Variants in INO80D observed in about 807,000 individuals in gnomAD.
INO80D encodes the protein INO80 complex subunit D.
A neutral mutation model predicts 87.6 loss-of-function variants in INO80D; 21 were observed. The observed-to-expected ratio is 0.24, with a 90% CI of 0.17 to 0.35. INO80D has a LOEUF of 0.35. INO80D is among the 10% of genes least tolerant of loss of function. INO80D has a pLI of 1.00. For missense variants in INO80D, 982 were observed against 1,280.7 expected (o/e 0.77, Z 3.56); for synonymous variants, 440 against 491.0 (o/e 0.90, Z 1.37).
intron 4 of INO80D, among the ~76,000 whole-genome samples, chr2:206,049,561 GT>G (rs762746284): frequency 2.0e-4 from 31 of 152,154 alleles, no homozygotes; most frequent in Non-Finnish European, 3.8e-4. Flanking sequence ...AGACGGAAGT[GT>G]TTTTCCTGCT....
At position 205,994,508 on chromosome 2, in the gene INO80D, T is replaced by C. The variant is rs1687771767; in HGVS notation, c.*9860A>G. The stretch of plus-strand genomic sequence containing the variant: ...GGTTTCAACTTACACTTCAGTACTC[T>C]AGTTGTTAGTACCATACAATTGCCA... On this transcript the variant is annotated 3_prime_UTR_variant, in exon 11 of 11. Coordinates refer to ENST00000403263, the MANE Select transcript of INO80D (RefSeq NM_017759.5). 6.6e-6 allele frequency: 1 copy of C among 152,226 alleles called. No individual in the cohort carries two copies. The highest frequency in any genetic ancestry group is 2.1e-4 in the South Asian group (1 of 4,828). The allele number at this position is 152,226 out of a possible 1,614,324, so 9.4% of individuals were successfully genotyped here. A position where few individuals can be genotyped will look rare whatever the true frequency, so the allele number is the denominator to read the frequency against.
Position 206,046,782 on chromosome 2 carries a change from GTTTGTT to G in INO80D, c.965-176_965-171del, listed in dbSNP as rs1047813512. On this transcript the variant is annotated intron_variant, in intron 4 of 10. Coordinates refer to ENST00000403263, the MANE Select transcript of INO80D (RefSeq NM_017759.5). ...ATTTCTATTCTTACAAAGATAATCG[GTTTGTT>G]TTTGTTTTTGTTTGACAGAGTCTCA... 3.2e-3 allele frequency among the ~76,000 whole-genome samples: 489 copies of G among 152,206 alleles called. 2 individuals are homozygous for G. The highest frequency in any genetic ancestry group is 0.011 in the African/African-American group (464 of 41,558).
In INO80D at chr2:205,995,863, A is replaced by G. The variant is rs1255528567; in HGVS notation, c.*8505T>C. ...CATCAAAGCAGTTTCATCATGAGAA[A>G]AATGAGTTAGTTACAGAATTCAAGA... is the stretch of plus-strand genomic sequence containing the variant. On this transcript the variant is annotated 3_prime_UTR_variant, in exon 11 of 11. Coordinates refer to ENST00000403263, the MANE Select transcript of INO80D (RefSeq NM_017759.5). 6.6e-6 allele frequency: 1 copy of G among 152,266 alleles called. No individual in the cohort carries two copies. The allele number at this position is 152,266 out of a possible 1,614,324, so 9.4% of individuals were successfully genotyped here.
intron 6 of INO80D, among the ~76,000 whole-genome samples, chr2:206,026,002 A>G (rs1252361885): frequency 1.3e-5 from 2 of 152,036 alleles, no homozygotes; most frequent in Non-Finnish European, 2.9e-5. Flanking sequence ...GGCTAAAGCC[A>G]TCCTCCCACC....
chr2:206,021,944 T>C (rs1476982960), intron 6 of INO80D, among the ~76,000 whole-genome samples: 1 of 152,126 alleles, frequency 6.6e-6, no homozygotes, highest in Non-Finnish European at 1.5e-5. Context: ...AACACTCTAA[T>C]AAACCGCTCA....
In INO80D at chr2:206,085,421, G is replaced by A. The variant is rs1292308055; in HGVS notation, c.-124+480C>T. ...CCTGACGCCCCTGTCCCGGCAGCCC[G>A]GGCCTGCCGCCCCGCGGGAAAGCCT... On this transcript the variant is annotated intron_variant, in intron 1 of 10. Coordinates refer to ENST00000403263, the MANE Select transcript of INO80D (RefSeq NM_017759.5). The surrounding 1 kb of genome is among the most constrained non-coding windows in gnomAD (Gnocchi z 4.5). The A allele has an allele frequency of 1.3e-5, 2 of 151,808 alleles. No homozygotes were observed. Among genetic ancestry groups the A allele is most frequent in the East Asian group, 1.9e-4 (1 of 5,138 alleles). 9.4% of individuals were successfully genotyped at this position (151,808 alleles called of 1,614,324 possible). A position where few individuals can be genotyped will look rare whatever the true frequency, so the allele number is the denominator to read the frequency against.
chr2:206,040,933 T>C (rs1559448052), intron 5 of INO80D: 1 of 154,012 alleles, frequency 6.5e-6, no homozygotes, highest in Non-Finnish European at 1.4e-5. Flanking sequence ...ACACTCCAAA[T>C]AAAAAGCAGA....
intron 1 of INO80D, among the ~76,000 whole-genome samples, chr2:206,070,325 G>C (rs1038045115): frequency 6.6e-6 from 1 of 152,080 alleles, no homozygotes; most frequent in African/African-American, 2.4e-5. Context: ...TTGAGAGGCT[G>C]AGGTGAAGGG....
Position 206,005,658 on chromosome 2 carries a change from C to T in INO80D, c.1919-125G>A, listed in dbSNP as rs1688004159. ...GAGTCCCTCTTGAAAAGAAAAGTTTCCAAGATTTTGATTGGAGGGAAAAAG... is the reference window on the plus strand; with the variant it reads ...GAGTCCCTCTTGAAAAGAAAAGTTTTCAAGATTTTGATTGGAGGGAAAAAG... On this transcript the variant is annotated intron_variant, in intron 10 of 10. Coordinates refer to ENST00000403263, the MANE Select transcript of INO80D (RefSeq NM_017759.5). 5 of 796,606 alleles carry T rather than the reference C, an allele frequency of 6.3e-6. No individual in the cohort carries two copies. The South Asian group carries it at 9.8e-5, about 16-fold the overall frequency. The allele number at this position is 796,606 out of a possible 1,614,324, so 49.3% of individuals were successfully genotyped here.
In INO80D at chr2:206,085,706, C is replaced by T. The variant is rs1690439621; in HGVS notation, c.-124+195G>A. On this transcript the variant is annotated intron_variant, in intron 1 of 10. Coordinates refer to ENST00000403263, the MANE Select transcript of INO80D (RefSeq NM_017759.5). This position sits in a 1 kb window ranked among gnomAD's most constrained non-coding sequence, Gnocchi z 4.5. ...CGCCGCCCGCGGGCGCCCCGGAGGCCCTCAGGCCCCCGGCCTCCACCACCC... is the reference window on the plus strand; with the variant it reads ...CGCCGCCCGCGGGCGCCCCGGAGGCTCTCAGGCCCCCGGCCTCCACCACCC... 6.6e-6 allele frequency: 1 copy of T among 150,650 alleles called. No homozygotes were observed. The highest frequency in any genetic ancestry group is 1.5e-5 in the Non-Finnish European group (1 of 67,674). The allele number at this position is 150,650 out of a possible 1,614,324, so 9.3% of individuals were successfully genotyped here.
At chr2:206,021,911 G>A (rs1403688604) in intron 6 of INO80D, among the ~76,000 whole-genome samples, 2 of 152,046 alleles carry the variant, frequency 1.3e-5, no homozygotes, top group Non-Finnish European at 2.9e-5. Context: ...ACCACACCCT[G>A]CCTGAATGGA....
At chr2:206,032,284 C>T (rs1026614064) in intron 5 of INO80D, among the ~76,000 whole-genome samples, 1 of 152,154 alleles carries the variant, frequency 6.6e-6, no homozygotes, top group Non-Finnish European at 1.5e-5. Context: ...CAGGTAGCCT[C>T]GGACAAGTTC....
chr2:206,038,444 T>C (rs1160328401), intron 5 of INO80D, among the ~76,000 whole-genome samples: 2 of 152,166 alleles, frequency 1.3e-5, no homozygotes, highest in Non-Finnish European at 2.9e-5. Context: ...AACAATATAC[T>C]AGGTAAAATA....
intron 3 of INO80D, among the ~76,000 whole-genome samples, chr2:206,061,326 A>C (rs1476568365): frequency 6.6e-6 from 1 of 152,182 alleles, no homozygotes; most frequent in Admixed American, 6.6e-5. Flanking sequence ...TGCTATTAAG[A>C]TAATTCTTGC....
chr2:206,079,926 T>A (rs1345247422), intron 1 of INO80D, among the ~76,000 whole-genome samples: 1 of 152,174 alleles, frequency 6.6e-6, no homozygotes, highest in Non-Finnish European at 1.5e-5. Flanking sequence ...TACTTACAGG[T>A]CACACCTTAT....
chr2:206,074,353 C>T (rs1188640580), intron 1 of INO80D, among the ~76,000 whole-genome samples: 1 of 152,220 alleles, frequency 6.6e-6, no homozygotes, highest in Non-Finnish European at 1.5e-5. Context: ...GAGGGTCACG[C>T]CTGTAATCCC....
At position 206,004,251 on chromosome 2, in the gene INO80D, G is replaced by C; in HGVS notation, c.*117C>G. On this transcript the variant is annotated 3_prime_UTR_variant, in exon 11 of 11. Coordinates refer to ENST00000403263, the MANE Select transcript of INO80D (RefSeq NM_017759.5). The surrounding 1 kb of genome is among the most constrained non-coding windows in gnomAD (Gnocchi z 4.9). ...CACTCATTGAACTGGGAAGGGGGGT[G>C]CCCCTCTGATCCCCATCTGTTATAT... is the stretch of plus-strand genomic sequence containing the variant. 1.1e-6 allele frequency: 1 copy of C among 921,586 alleles called. No individual in the cohort carries two copies. The highest frequency in any genetic ancestry group is 1.6e-6 in the Non-Finnish European group (1 of 609,898). 57.1% of individuals were successfully genotyped at this position (921,586 alleles called of 1,614,324 possible).
rs768539395 is a variant in INO80D, at chr2:206,062,976, T to C, written c.41A>G (p.Asn14Ser). The change falls in exon 3 of 11, where the codon AAT becomes AGT. Residue 14 changes from asparagine (N) to serine (S), a missense_variant. Asn to Ser is a conservative substitution (Grantham distance 46, BLOSUM62 1). Transcript: ENST00000403263. This position sits in a 1 kb window ranked among gnomAD's most constrained non-coding sequence, Gnocchi z 4.6. ...GGGGCTATATGAGCACAAGGGCTTA[T>C]TGTCAACCTCAGAGAAGTGTATATG... ...GKHIHFSEVD[N>S]KPLCSYSPKL... 1.1e-5 allele frequency: 17 copies of C among 1,612,892 alleles called. No homozygotes were observed. Among genetic ancestry groups the C allele is most frequent in the Admixed American group, 6.7e-5 (4 of 59,532 alleles).
chr2:206,015,799 A>T (rs1688302381), intron 8 of INO80D, among the ~76,000 whole-genome samples: 1 of 152,300 alleles, frequency 6.6e-6, no homozygotes, highest in South Asian at 2.1e-4. Flanking sequence ...AGGCACAAGA[A>T]TTGCTTAAAC....
Sources: gnomAD v4.1 joint callset for allele counts (sites outside exome capture counted in the v4.1 genomes callset) on GRCh38, gnomAD v4.1.1 for gene constraint, Gnocchi (gnomAD v3.1) non-coding constraint, MANE v1.5 for transcripts, NCBI Gene and HGNC (gene_info 2026-07-23, HGNC 2026-07-21) for gene names.